Variants in SMIM3 observed in about 807,000 individuals in gnomAD.
The protein encoded by SMIM3 is small integral membrane protein 3.
Under a neutral mutation model 2.1 loss-of-function variants are expected in SMIM3, and 4 were observed. The observed-to-expected ratio is 1.89, with a 90% confidence interval of 0.93 to 4.31. The LOEUF (loss-of-function observed/expected upper bound fraction) is 4.31, where lower values mean the gene tolerates loss of function less well. SMIM3 is among the 30% of genes most tolerant of loss of function. SMIM3 has a pLI of 0.01. For missense variants in SMIM3, 79 were observed against 77.7 expected, an observed-to-expected ratio of 1.02 and a Z score of -0.06; for synonymous variants, 29 against 30.8, an observed-to-expected ratio of 0.94 and a Z score of 0.19.
chr5:150,787,810 C>T (rs1581621930), intron 1 of SMIM3, among the ~76,000 whole-genome samples: 1 of 152,108 alleles, frequency 6.6e-6, no homozygotes. Flanking sequence ...CAAATGCTGG[C>T]TCGTGTGATC....
intron 1 of SMIM3, among the ~76,000 whole-genome samples, chr5:150,794,122 A>G (rs1753377511): frequency 2.0e-5 from 3 of 152,220 alleles, no homozygotes; most frequent in Admixed American, 2.0e-4. Flanking sequence ...ACAATGCGAT[A>G]CCACCTTAAT....
In SMIM3 at chr5:150,795,492, C is replaced by G; in HGVS notation, c.52C>G (p.Leu18Val). ...GGAAGTCGTGCTTCCCAAGCACATC[C>G]TGGATATCTGGGTTATTGTCCTCAT... ...PMEVVLPKHI[L>V]DIWVIVLIIL... Residue 18 changes from leucine to valine, a missense_variant, in exon 2 of 2, where the codon CTG becomes GTG. Leu to Val is a conservative substitution (Grantham distance 32). Coordinates refer to ENST00000526627, the MANE Select transcript of SMIM3 (RefSeq NM_032947.5). The G allele has an allele frequency of 6.2e-7, 1 of 1,613,882 alleles. No individual in the cohort carries two copies. The highest frequency in any genetic ancestry group is 1.3e-5 in the African/African-American group (1 of 75,040).
chr5:150,795,658 C>A lies in SMIM3; in HGVS notation c.*35C>A. 1.3e-6 allele frequency: 2 copies of A among 1,530,268 alleles called. No homozygotes were observed. Among genetic ancestry groups the A allele is most frequent in the Non-Finnish European group, 8.8e-7 (1 of 1,141,206 alleles). 94.8% of individuals were successfully genotyped at this position (1,530,268 alleles called of 1,614,324 possible). ...AAGAGGGCCGGGTGAGGGATGAGGA[C>A]AGGCATCCTATCCCCAGCCTCTTCC... On this transcript the variant is annotated 3_prime_UTR_variant, in exon 2 of 2. Coordinates refer to ENST00000526627, the MANE Select transcript of SMIM3 (RefSeq NM_032947.5).
At chr5:150,792,649 C>T (rs1189633126) in intron 1 of SMIM3, among the ~76,000 whole-genome samples, 1 of 152,206 alleles carries the variant, frequency 6.6e-6, no homozygotes, top group Non-Finnish European at 1.5e-5. Context: ...ATCCTTCCAC[C>T]TCAGCCTCCC....
chr5:150,791,224 A>T (rs576130225), intron 1 of SMIM3, among the ~76,000 whole-genome samples: 1 of 152,300 alleles, frequency 6.6e-6, no homozygotes, highest in Non-Finnish European at 1.5e-5. Context: ...GAACCAAAGG[A>T]ATCATCCTAT....
At chr5:150,795,082 G>A (rs910384795) in intron 1 of SMIM3, among the ~76,000 whole-genome samples, 8 of 152,080 alleles carry the variant, frequency 5.3e-5, no homozygotes, top group South Asian at 2.1e-4. Flanking sequence ...TCATGTTCTC[G>A]GTCAAATTAA....
chr5:150,780,998 A>G (rs1021745565), intron 1 of SMIM3, among the ~76,000 whole-genome samples: 3 of 152,212 alleles, frequency 2.0e-5, no homozygotes, highest in African/African-American at 7.2e-5. Flanking sequence ...ACTATAAGCT[A>G]GGCATGACTC....
chr5:150,785,785 G>A (rs1487625118), intron 1 of SMIM3, among the ~76,000 whole-genome samples: 1 of 151,828 alleles, frequency 6.6e-6, no homozygotes, highest in African/African-American at 2.4e-5. Context: ...GTTTCACCAT[G>A]TTGGCCAGGC....
At chr5:150,780,396 A>G (rs1020139842) in intron 1 of SMIM3, among the ~76,000 whole-genome samples, 2 of 152,200 alleles carry the variant, frequency 1.3e-5, no homozygotes, top group African/African-American at 2.4e-5. Flanking sequence ...ACAACTGAAA[A>G]AAACTAAAAA....
chr5:150,793,847 T>C (rs535043302), intron 1 of SMIM3, among the ~76,000 whole-genome samples: 2 of 152,204 alleles, frequency 1.3e-5, no homozygotes, highest in African/African-American at 4.8e-5. Flanking sequence ...AAAGAGCTTT[T>C]TCATGGCAAA....
rs1753397978 is a variant in SMIM3 at position 150,795,707 on chromosome 5, G to T, written c.*84G>T. The T allele has an allele frequency of 7.0e-7, 1 of 1,431,976 alleles. No individual in the cohort carries two copies. Among genetic ancestry groups the T allele is most frequent in the East Asian group, 2.5e-5 (1 of 40,354 alleles). 88.7% of individuals were successfully genotyped at this position (1,431,976 alleles called of 1,614,324 possible). ...CCTGTCTTCAGAAAAGCAGCAGGAG[G>T]GACTTTGGGGCATGGACCTGAGTTC... On this transcript the variant is annotated 3_prime_UTR_variant, in exon 2 of 2. Coordinates refer to ENST00000526627, the MANE Select transcript of SMIM3 (RefSeq NM_032947.5).
intron 1 of SMIM3, among the ~76,000 whole-genome samples, chr5:150,782,506 C>T (rs1320309815): frequency 6.6e-6 from 1 of 152,088 alleles, no homozygotes; most frequent in East Asian, 1.9e-4. Context: ...AGTCAGAACT[C>T]GAATTTGAGC....
chr5:150,795,477 C>T lies in SMIM3; in HGVS notation c.37C>T (p.Leu13Phe). The T allele has an allele frequency of 1.9e-6, 3 of 1,613,944 alleles. No homozygotes were observed. The highest frequency in any genetic ancestry group is 2.5e-6 in the Non-Finnish European group (3 of 1,179,882). ...CAGCCAAGTCCCCATGGAAGTCGTG[C>T]TTCCCAAGCACATCCTGGATATCTG... ...AVSQVPMEVV[L>F]PKHILDIWVI... The change falls in exon 2 of 2, where the codon CTT becomes TTT. Residue 13 changes from leucine to phenylalanine, a missense_variant. Physicochemically the swap from Leu to Phe is conservative, Grantham distance 22. Coordinates refer to ENST00000526627, the MANE Select transcript of SMIM3 (RefSeq NM_032947.5).
At chr5:150,792,873 G>A (rs1180516260) in intron 1 of SMIM3, among the ~76,000 whole-genome samples, 1 of 152,170 alleles carries the variant, frequency 6.6e-6, no homozygotes, top group Non-Finnish European at 1.5e-5. Context: ...TGCATGGTAT[G>A]GCAAGTACTG....
rs532196665 is a variant in SMIM3, at chr5:150,778,983, C to T, written c.-12+11C>T. On this transcript the variant is annotated intron_variant, in intron 1 of 1. Transcript: ENST00000526627. ...TCGCCGCCATCTGGGGTGAGTGGGG[C>T]CACCGGGGGATTGTTTGTGGGGCTC... is the stretch of plus-strand genomic sequence containing the variant. 270 of 494,976 alleles carry T rather than the reference C, an allele frequency of 5.5e-4. 4 individuals carry two copies. Among genetic ancestry groups the T allele is most frequent in the South Asian group, 3.2e-3 (210 of 66,298 alleles). 30.7% of individuals were successfully genotyped at this position (494,976 alleles called of 1,614,324 possible). A position where few individuals can be genotyped will look rare whatever the true frequency, so the allele number is the denominator to read the frequency against.
At chr5:150,781,835 T>C (rs780061203) in intron 1 of SMIM3, among the ~76,000 whole-genome samples, 6 of 152,218 alleles carry the variant, frequency 3.9e-5, no homozygotes, top group African/African-American at 1.4e-4. Flanking sequence ...ACTTAGTCAC[T>C]GGCAAATAGC....
At chr5:150,794,075 A>C (rs1271902545) in intron 1 of SMIM3, among the ~76,000 whole-genome samples, 1 of 152,220 alleles carries the variant, frequency 6.6e-6, no homozygotes, top group Non-Finnish European at 1.5e-5. Context: ...AAAAATGATC[A>C]ACATCACTAA....
chr5:150,794,432 C>G (rs1210651645), intron 1 of SMIM3, among the ~76,000 whole-genome samples: 2 of 152,152 alleles, frequency 1.3e-5, no homozygotes, highest in Non-Finnish European at 2.9e-5. Context: ...GCCCATCAAT[C>G]AACAAGTGGA....
At chr5:150,788,590 C>T (rs1249189215) in intron 1 of SMIM3, among the ~76,000 whole-genome samples, 3 of 148,074 alleles carry the variant, frequency 2.0e-5, no homozygotes, top group Admixed American at 6.7e-5. Flanking sequence ...GCTGAGATCA[C>T]GCCACTGCAC....
Sources: allele counts gnomAD v4.1 joint callset (sites outside exome capture counted in the v4.1 genomes callset), GRCh38; gene constraint gnomAD v4.1.1; transcripts MANE v1.5; gene names NCBI Gene and HGNC (gene_info 2026-07-23, HGNC 2026-07-21).